R3HDM1: variants seen among roughly 807,000 people sequenced by gnomAD.
The protein encoded by R3HDM1 is R3H domain-containing protein 1.
A neutral mutation model predicts 141.1 loss-of-function variants in R3HDM1; 46 were observed. The ratio of observed to expected loss-of-function variants is 0.33; its 90% confidence interval spans 0.26 to 0.42. R3HDM1 has a LOEUF of 0.42. R3HDM1 is among the 10% of genes least tolerant of loss of function. The pLI is 1.00. For synonymous variants in R3HDM1, 435 were observed against 472.9 expected, an observed-to-expected ratio of 0.92 and a Z score of 1.04; for missense variants, 1,184 against 1,368.3, an observed-to-expected ratio of 0.87 and a Z score of 2.12.
chr2:135,550,007 T>C (rs1015637240), intron 1 of R3HDM1: 9 of 973,162 alleles, frequency 9.2e-6, no homozygotes, highest in Admixed American at 6.2e-5. Flanking sequence ...AGTTCTACTT[T>C]TCATAGCTTT....
At chr2:135,715,737 A>G (rs2076096830) in intron 24 of R3HDM1, 43 bp downstream of exon 24, 2 of 1,572,732 alleles carry the variant, frequency 1.3e-6, no homozygotes, top group Admixed American at 1.9e-5. Context: ...AGAATTTAAG[A>G]CATCCATTCC....
intron 1 of R3HDM1, among the ~76,000 whole-genome samples, chr2:135,581,880 C>G (rs1706894716): frequency 6.6e-6 from 1 of 152,248 alleles, no homozygotes; most frequent in African/African-American, 2.4e-5. Flanking sequence ...CATCATTATC[C>G]TCAACTTAGA....
chr2:135,711,554 T>G (rs2075633074), intron 23 of R3HDM1, among the ~76,000 whole-genome samples: 1 of 151,158 alleles, frequency 6.6e-6, no homozygotes, highest in African/African-American at 2.4e-5. Flanking sequence ...TCCCAGCCAC[T>G]CAGGAGGCTG....
intron 16 of R3HDM1, among the ~76,000 whole-genome samples, chr2:135,647,107 A>G (rs1185784271): frequency 6.6e-6 from 1 of 152,228 alleles, no homozygotes; most frequent in Non-Finnish European, 1.5e-5. Flanking sequence ...AGTTATGGAT[A>G]TACTTCTAAG....
At chr2:135,696,596 ATCC>A in intron 21 of R3HDM1, among the ~76,000 whole-genome samples, 1 of 152,182 alleles carries the variant, frequency 6.6e-6, no homozygotes, top group South Asian at 2.1e-4. Context: ...GGCTCAAGCA[ATCC>A]TCCTGCGTCA....
intron 14 of R3HDM1, among the ~76,000 whole-genome samples, chr2:135,639,877 A>T (rs1448736405): frequency 6.6e-6 from 1 of 152,188 alleles, no homozygotes; most frequent in Non-Finnish European, 1.5e-5. Context: ...CAGGCAGATC[A>T]CCTGAGGTCA....
chr2:135,669,210 T>C (rs902232326), intron 19 of R3HDM1: 30 of 985,262 alleles, frequency 3.0e-5, no homozygotes, highest in Middle Eastern at 5.2e-4. Context: ...TTGCGGGTAG[T>C]GGACAAACCA....
intron 1 of R3HDM1, chr2:135,581,332 T>A: frequency 2.0e-6 from 2 of 985,356 alleles, no homozygotes; most frequent in Middle Eastern, 5.2e-4. Context: ...TACTCATAAT[T>A]CCAATTCCAT....
intron 21 of R3HDM1, among the ~76,000 whole-genome samples, chr2:135,700,018 T>A (rs1258007225): frequency 6.6e-6 from 1 of 152,218 alleles, no homozygotes; most frequent in Non-Finnish European, 1.5e-5. Context: ...TTTCTATAAA[T>A]CAGTCGGGAT....
chr2:135,603,586 A>T (rs185735752), intron 2 of R3HDM1, among the ~76,000 whole-genome samples: 95 of 152,060 alleles, frequency 6.2e-4, no homozygotes, highest in African/African-American at 2.1e-3. Flanking sequence ...TGTTTATATA[A>T]AGTTCTGCCA....
chr2:135,688,743 C>G lies in R3HDM1; in HGVS notation c.2459+8419C>G, dbSNP rs112652336. ...TTGAGACCAAGAGTTGGGGACCAGCCTGGCCAACATGGTGAAACACCATCT... is the reference window on the plus strand; with the variant it reads ...TTGAGACCAAGAGTTGGGGACCAGCGTGGCCAACATGGTGAAACACCATCT... On this transcript the variant is annotated intron_variant, in intron 21 of 26. Coordinates refer to ENST00000683871, the MANE Select transcript of R3HDM1 (RefSeq NM_001378107.1). Among the ~76,000 whole-genome samples the G allele has an allele frequency of 1.3e-3, 205 of 152,232 alleles. 2 individuals carry two copies. Among genetic ancestry groups the G allele is most frequent in the African/African-American group, 4.3e-3 (180 of 41,536 alleles).
chr2:135,649,201 GC>G (rs2064847763), intron 16 of R3HDM1: 3 of 152,028 alleles, frequency 2.0e-5, no homozygotes, highest in Non-Finnish European at 4.4e-5. Context: ...GAGTAGCTGG[GC>G]TACAGGCGCC....
intron 1 of R3HDM1, among the ~76,000 whole-genome samples, chr2:135,532,613 A>G (rs1211227768): frequency 6.6e-6 from 1 of 152,088 alleles, no homozygotes; most frequent in Non-Finnish European, 1.5e-5. Context: ...TGTAACTGTA[A>G]GAAACCTTTT....
chr2:135,579,662 C>T (rs1706338275), intron 1 of R3HDM1, among the ~76,000 whole-genome samples: 1 of 151,100 alleles, frequency 6.6e-6, no homozygotes, highest in Admixed American at 6.6e-5. Context: ...TAATCTGAGA[C>T]ACGCCAGCGT....
chr2:135,657,838 C>G (rs934765769), intron 18 of R3HDM1, among the ~76,000 whole-genome samples: 3 of 152,286 alleles, frequency 2.0e-5, no homozygotes, highest in African/African-American at 7.2e-5. Flanking sequence ...AAAAATAAAT[C>G]AAGATGGTCT....
At chr2:135,601,727 G>A (rs764911876) in intron 1 of R3HDM1, among the ~76,000 whole-genome samples, 1 of 152,176 alleles carries the variant, frequency 6.6e-6, no homozygotes, top group Non-Finnish European at 1.5e-5. Context: ...CTGGAGTGCA[G>A]TAGCATGATC....
intron 1 of R3HDM1, among the ~76,000 whole-genome samples, chr2:135,563,506 T>C (rs1442140940): frequency 1.3e-5 from 2 of 152,352 alleles, no homozygotes; most frequent in East Asian, 3.9e-4. Flanking sequence ...TGTATACTTT[T>C]TGGCTCTTTA....
intron 18 of R3HDM1, among the ~76,000 whole-genome samples, chr2:135,652,582 G>A (rs2065262277): frequency 6.6e-6 from 1 of 152,186 alleles, no homozygotes; most frequent in African/African-American, 2.4e-5. Context: ...TTGCATCTAT[G>A]TTCATGAAGG....
chr2:135,577,746 G>A (rs2105017673), intron 1 of R3HDM1, among the ~76,000 whole-genome samples: 1 of 150,916 alleles, frequency 6.6e-6, no homozygotes. Context: ...GCTGAGGCAG[G>A]AGAATCGCTT....
Sources: gnomAD v4.1 joint callset for allele counts (sites outside exome capture counted in the v4.1 genomes callset) on GRCh38, gnomAD v4.1.1 for gene constraint, MANE v1.5 for transcripts, NCBI Gene and HGNC (gene_info 2026-07-23, HGNC 2026-07-21) for gene names.